The following CEP128 variants were observed in gnomAD, a reference collection of about 807,000 sequenced individuals.
CEP128 encodes the protein centrosomal protein 128kDa.
In CEP128, 132 loss-of-function variants were observed where a neutral mutation model predicts 156.7. The observed-to-expected ratio is 0.84, with a 90% CI of 0.73 to 0.97. The LOEUF is 0.97. Among genes scored for constraint, CEP128 ranks in the 50% least tolerant of loss-of-function variants. The pLI is 0.00. For synonymous variants in CEP128, 469 were observed against 448.9 expected (o/e 1.04, Z -0.57); for missense variants, 1,252 against 1,281.9 (o/e 0.98, Z 0.36).
At chr14:80,607,371 TAGTA>T (rs1566808012) in intron 19 of CEP128, among the ~76,000 whole-genome samples, 1 of 151,980 alleles carries the variant, frequency 6.6e-6, no homozygotes, top group Non-Finnish European at 1.5e-5. Context: ...AATGTAAAAT[TAGTA>T]AGAATAATTC....
chr14:80,860,847 G>A (rs1352417708), intron 9 of CEP128, among the ~76,000 whole-genome samples: 3 of 151,962 alleles, frequency 2.0e-5, no homozygotes, highest in African/African-American at 2.4e-5. Flanking sequence ...AAAATCTGTC[G>A]ATTAATAAAG....
intron 2 of CEP128, among the ~76,000 whole-genome samples, chr14:80,928,409 G>T (rs996788105): frequency 1.3e-5 from 2 of 152,040 alleles, no homozygotes; most frequent in Non-Finnish European, 2.9e-5. Context: ...TTCAGGACAT[G>T]AATGAAAAAT....
At chr14:80,494,308 T>A (rs1887420646), downstream of CEP128, among the ~76,000 whole-genome samples, 1 of 152,114 alleles carries the variant, frequency 6.6e-6, no homozygotes, top group Non-Finnish European at 1.5e-5. Flanking sequence ...AATCACAAAT[T>A]TTCTGTTTTG....
intron 16 of CEP128, among the ~76,000 whole-genome samples, chr14:80,768,590 G>A (rs1900359108): frequency 6.6e-6 from 1 of 152,174 alleles, no homozygotes; most frequent in South Asian, 2.1e-4. Context: ...AGCGTTAAGA[G>A]TATGCAAGAG....
At chr14:80,672,760 T>C (rs1005485540) in intron 19 of CEP128, among the ~76,000 whole-genome samples, 1 of 152,154 alleles carries the variant, frequency 6.6e-6, no homozygotes, top group African/African-American at 2.4e-5. Context: ...GCTTTCTAAA[T>C]AACAAATATT....
At chr14:80,637,035 A>G (rs10130522) in intron 19 of CEP128, among the ~76,000 whole-genome samples, 44,309 of 151,464 alleles carry the variant, frequency 0.29, 8,433 homozygotes, top group African/African-American at 0.53. Context: ...GTGGTGAGCC[A>G]AGATCGGGCC....
exon 1 of CEP128, chr14:80,959,442 G>A (rs545874355): frequency 6.6e-6 from 1 of 152,226 alleles, no homozygotes; most frequent in Non-Finnish European, 1.5e-5. Flanking sequence ...TCAGAAAGTT[G>A]CCATTTGTTG....
chr14:80,612,033 G>A (rs371932523), intron 19 of CEP128, among the ~76,000 whole-genome samples: 4 of 152,230 alleles, frequency 2.6e-5, no homozygotes, highest in South Asian at 4.2e-4. Context: ...ACTCCAGCCT[G>A]AGTGGCAGAG....
intron 2 of CEP128, among the ~76,000 whole-genome samples, chr14:80,925,697 C>A (rs961145117): frequency 2.0e-5 from 3 of 151,916 alleles, no homozygotes; most frequent in Admixed American, 6.6e-5. Context: ...TATGAACTTT[C>A]TTCCAAGAAG....
At chr14:80,947,925 G>T (rs1490171974) in intron 2 of CEP128, among the ~76,000 whole-genome samples, 1 of 152,224 alleles carries the variant, frequency 6.6e-6, no homozygotes, top group Non-Finnish European at 1.5e-5. Context: ...TGTTCTTGGT[G>T]ACTGTCCAGC....
chr14:80,487,943 A>G (rs1386321431), downstream of CEP128, among the ~76,000 whole-genome samples: 1 of 151,572 alleles, frequency 6.6e-6, no homozygotes, highest in Non-Finnish European at 1.5e-5. Flanking sequence ...CAAAATTGAC[A>G]CCCTAATGTC....
intron 19 of CEP128, among the ~76,000 whole-genome samples, chr14:80,668,102 TC>T (rs1895699180): frequency 6.6e-6 from 1 of 152,136 alleles, no homozygotes; most frequent in Non-Finnish European, 1.5e-5. Context: ...ACACACTTAT[TC>T]CTTGCACAAT....
chr14:80,929,019 A>G (rs1384973379), intron 2 of CEP128, among the ~76,000 whole-genome samples: 2 of 152,100 alleles, frequency 1.3e-5, no homozygotes, highest in African/African-American at 4.8e-5. Flanking sequence ...GAACTCAAAC[A>G]TATCAGAAAA....
At chr14:80,566,894 G>T (rs1301285460) in intron 20 of CEP128, among the ~76,000 whole-genome samples, 1 of 124,710 alleles carries the variant, frequency 8.0e-6, no homozygotes, top group Non-Finnish European at 1.7e-5. Flanking sequence ...TGTCTGAAAA[G>T]TTGTCAAGGA....
chr14:80,715,983 T>C (rs1464673132), intron 19 of CEP128, among the ~76,000 whole-genome samples: 1 of 152,136 alleles, frequency 6.6e-6, no homozygotes, highest in Non-Finnish European at 1.5e-5. Context: ...AAATAATCAC[T>C]TGCTGGCAGA....
intron 13 of CEP128, among the ~76,000 whole-genome samples, chr14:80,797,962 T>G (rs1224466867): frequency 6.6e-6 from 1 of 152,174 alleles, no homozygotes; most frequent in Non-Finnish European, 1.5e-5. Context: ...ACTGAGGAAC[T>G]TTTTACATTT....
chr14:80,732,480 G>GTGTC (rs1172158538), intron 19 of CEP128, among the ~76,000 whole-genome samples: 1 of 128,322 alleles, frequency 7.8e-6, no homozygotes, highest in Non-Finnish European at 1.6e-5. Context: ...AGGTGTGTGT[G>GTGTC]TGTGTGTGTG....
intron 19 of CEP128, among the ~76,000 whole-genome samples, chr14:80,597,383 CTAATT>C (rs1014795317): frequency 5.3e-5 from 8 of 151,902 alleles, no homozygotes; most frequent in Non-Finnish European, 1.0e-4. Flanking sequence ...TGTAAAATAC[CTAATT>C]TAAATAGCCT....
chr14:80,498,800 A>G (rs996073778), intron 24 of CEP128, among the ~76,000 whole-genome samples: 1 of 152,320 alleles, frequency 6.6e-6, no homozygotes, highest in African/African-American at 2.4e-5. Flanking sequence ...TCACTGCTGT[A>G]TACTCCAGAA....
Sources: allele counts gnomAD v4.1 joint callset (sites outside exome capture counted in the v4.1 genomes callset), GRCh38; gene constraint gnomAD v4.1.1; transcripts MANE v1.5; gene names NCBI Gene and HGNC (gene_info 2026-07-23, HGNC 2026-07-21).